The following NAA11 variants were observed in gnomAD, a reference collection of about 807,000 sequenced individuals.
NAA11 encodes the protein N-alpha-acetyltransferase 11, NatA catalytic subunit, also known as N-alpha-acetyltransferase 11.
Under a neutral mutation model 16.1 loss-of-function variants are expected in NAA11, and 15 were observed. The ratio of observed to expected loss-of-function variants is 0.93; its 90% CI spans 0.62 to 1.44. The LOEUF is 1.44. Among genes scored for constraint, NAA11 ranks in the 40% most tolerant of loss-of-function variants. The pLI is 0.00. For synonymous variants in NAA11, 122 were observed against 112.4 expected (o/e 1.09, Z -0.54); for missense variants, 298 against 291.3 (o/e 1.02, Z -0.17).
the NAA11 span, among the ~76,000 whole-genome samples, chr4:79,156,266 C>A: frequency 1.3e-5 from 2 of 151,846 alleles, no homozygotes; most frequent in African/African-American, 2.4e-5. Flanking sequence ...CTTTACAGGG[C>A]ATACTCTATA....
the NAA11 span, among the ~76,000 whole-genome samples, chr4:79,156,266 C>G: frequency 6.4e-4 from 98 of 151,964 alleles, no homozygotes; most frequent in Non-Finnish European, 1.2e-3. Context: ...CTTTACAGGG[C>G]ATACTCTATA....
chr4:79,314,662 A>AAAAAAAAAAAAC (rs1243074999), downstream of NAA11, among the ~76,000 whole-genome samples: 1 of 147,650 alleles, frequency 6.8e-6, no homozygotes, highest in African/African-American at 2.6e-5. Context: ...AAAAAAAAAA[A>AAAAAAAAAAAAC]AAGACTCAGT....
At chr4:79,189,847 A>G in the NAA11 span, among the ~76,000 whole-genome samples, 4 of 152,330 alleles carry the variant, frequency 2.6e-5, no homozygotes, top group East Asian at 1.9e-4. Context: ...AAGAGAAGAA[A>G]TAATTGATAG....
chr4:79,303,759 G>T (rs1416329898), intron 1 of NAA11, among the ~76,000 whole-genome samples: 1 of 152,164 alleles, frequency 6.6e-6, no homozygotes, highest in African/African-American at 2.4e-5. Context: ...TTAAAAAGTT[G>T]CTGAGAATAA....
At chr4:79,290,716 A>G (rs1176749930) in intron 2 of NAA11, among the ~76,000 whole-genome samples, 1 of 152,196 alleles carries the variant, frequency 6.6e-6, no homozygotes, top group African/African-American at 2.4e-5. Flanking sequence ...ATGGTAAGAA[A>G]TAATTCTGTT....
the NAA11 span, among the ~76,000 whole-genome samples, chr4:79,220,559 T>C: frequency 6.6e-6 from 1 of 152,128 alleles, no homozygotes; most frequent in Non-Finnish European, 1.5e-5. Flanking sequence ...TGATTATATA[T>C]AATCTTTATG....
intron 2 of NAA11, among the ~76,000 whole-genome samples, chr4:79,244,532 A>C (rs1336156618): frequency 1.3e-5 from 2 of 151,478 alleles, no homozygotes; most frequent in African/African-American, 4.8e-5. Context: ...AAATTTTTAA[A>C]ATTAACTAGT....
the NAA11 span, among the ~76,000 whole-genome samples, chr4:79,209,203 T>A: frequency 6.6e-6 from 1 of 152,034 alleles, no homozygotes; most frequent in Non-Finnish European, 1.5e-5. Flanking sequence ...CCTAAATGAG[T>A]TAGGATCACT....
intron 2 of NAA11, among the ~76,000 whole-genome samples, chr4:79,261,606 A>T (rs933236401): frequency 3.3e-5 from 5 of 152,126 alleles, no homozygotes; most frequent in Admixed American, 1.3e-4. Flanking sequence ...ATAGATAATT[A>T]CTCAGAAGTT....
chr4:79,160,992 C>A, the NAA11 span, among the ~76,000 whole-genome samples: 2 of 152,114 alleles, frequency 1.3e-5, no homozygotes, highest in Non-Finnish European at 2.9e-5. Context: ...TATTTGGTAT[C>A]ATGTCTAAGA....
chr4:79,322,854 CCT>C (rs1182089782), intron 1 of NAA11, among the ~76,000 whole-genome samples: 1 of 152,090 alleles, frequency 6.6e-6, no homozygotes, highest in Non-Finnish European at 1.5e-5. Flanking sequence ...TGCAAAATCT[CCT>C]CTGAGGACAG....
At chr4:79,163,426 T>TA in the NAA11 span, among the ~76,000 whole-genome samples, 8 of 151,920 alleles carry the variant, frequency 5.3e-5, no homozygotes, top group Admixed American at 3.3e-4. Context: ...GGTTAAAAAA[T>TA]AAAAAAATAA....
At chr4:79,246,808 A>C (rs1282012888) in intron 2 of NAA11, among the ~76,000 whole-genome samples, 1 of 152,194 alleles carries the variant, frequency 6.6e-6, no homozygotes, top group African/African-American at 2.4e-5. Flanking sequence ...TTACTTTCTA[A>C]ATTTATTACA....
chr4:79,183,489 T>C, the NAA11 span, among the ~76,000 whole-genome samples: 1 of 152,144 alleles, frequency 6.6e-6, no homozygotes, highest in Non-Finnish European at 1.5e-5. Context: ...CTTGGGAATA[T>C]TTTTTCCCCA....
At chr4:79,168,394 G>A in the NAA11 span, among the ~76,000 whole-genome samples, 2 of 152,176 alleles carry the variant, frequency 1.3e-5, no homozygotes, top group African/African-American at 4.8e-5. Flanking sequence ...CTAGTAATGG[G>A]ATTGCCAGGT....
At chr4:79,309,807 C>A (rs1335922906) in intron 1 of NAA11, among the ~76,000 whole-genome samples, 1 of 150,062 alleles carries the variant, frequency 6.7e-6, no homozygotes, top group African/African-American at 2.5e-5. Flanking sequence ...CCTCCATCTC[C>A]CGGGTTCACG....
the NAA11 span, among the ~76,000 whole-genome samples, chr4:79,157,499 A>G: frequency 6.6e-6 from 1 of 151,842 alleles, no homozygotes; most frequent in Non-Finnish European, 1.5e-5. Context: ...ATACACACAT[A>G]TATATGTATG....
chr4:79,313,919 A>G (rs1406553109), downstream of NAA11, among the ~76,000 whole-genome samples: 2 of 152,174 alleles, frequency 1.3e-5, no homozygotes, highest in Non-Finnish European at 2.9e-5. Flanking sequence ...AAGACACTGC[A>G]GAATTTGAGA....
At chr4:79,198,396 C>T in the NAA11 span, among the ~76,000 whole-genome samples, 1 of 151,870 alleles carries the variant, frequency 6.6e-6, no homozygotes, top group African/African-American at 2.4e-5. Context: ...GTTAAGTGGT[C>T]TTAATTAAGC....
Sources: allele counts gnomAD v4.1 joint callset (sites outside exome capture counted in the v4.1 genomes callset), GRCh38; gene constraint gnomAD v4.1.1; transcripts MANE v1.5; gene names NCBI Gene and HGNC (gene_info 2026-07-23, HGNC 2026-07-21).